SLC38A1: variants seen among roughly 807,000 people sequenced by gnomAD.
The protein encoded by SLC38A1 is sodium-coupled neutral amino acid symporter 1.
In SLC38A1, 18 loss-of-function variants were observed where a neutral mutation model predicts 60.3. The observed-to-expected ratio is 0.30, with a 90% CI of 0.21 to 0.44. The LOEUF (loss-of-function observed/expected upper bound fraction) is 0.44, where lower values mean the gene tolerates loss of function less well. SLC38A1 is among the 20% of genes least tolerant of loss of function. The pLI is 1.00. For missense variants in SLC38A1, 448 were observed against 587.2 expected, an observed-to-expected ratio of 0.76 and a Z score of 2.45; for synonymous variants, 196 against 212.1, an observed-to-expected ratio of 0.92 and a Z score of 0.66.
In SLC38A1 at chr12:46,268,702, G is replaced by C. The variant is rs2242355; in HGVS notation, c.-385C>G. The C allele has an allele frequency of 0.63, 177,380 of 283,196 alleles. 56,445 individuals are homozygous for C. The highest frequency in any genetic ancestry group is 0.73 in the African/African-American group (32,942 of 44,842). The allele number at this position is 283,196 out of a possible 1,614,324, so 17.5% of individuals were successfully genotyped here. A position where few individuals can be genotyped will look rare whatever the true frequency, so the allele number is the denominator to read the frequency against. On this transcript the variant is annotated 5_prime_UTR_variant, in exon 1 of 17. Coordinates refer to ENST00000398637, the MANE Select transcript of SLC38A1 (RefSeq NM_030674.4). This position sits in a 1 kb window ranked among gnomAD's most constrained non-coding sequence, Gnocchi z 4.4. ...AGCTTGGCGTGGCCTGGCGGATTTC[G>C]GAGGAAGGTGAAGGGCGGAGGCTCC... is the stretch of plus-strand genomic sequence containing the variant.
At chr12:46,210,978 C>T (rs999289135) in intron 5 of SLC38A1, among the ~76,000 whole-genome samples, 1 of 152,250 alleles carries the variant, frequency 6.6e-6, no homozygotes, top group Non-Finnish European at 1.5e-5. Flanking sequence ...TATTAGCCAA[C>T]CCAGTAGTTC....
At chr12:46,210,472 A>G (rs1231437465) in intron 5 of SLC38A1, among the ~76,000 whole-genome samples, 1 of 152,210 alleles carries the variant, frequency 6.6e-6, no homozygotes, top group African/African-American at 2.4e-5. Context: ...TTAAGATATG[A>G]TTGGTAAGGA....
chr12:46,246,249 A>G (rs1249956494), intron 1 of SLC38A1, among the ~76,000 whole-genome samples: 2 of 152,228 alleles, frequency 1.3e-5, no homozygotes, highest in African/African-American at 4.8e-5. Context: ...TTCCCTCGTC[A>G]GGCCAAGGGA....
intron 2 of SLC38A1, among the ~76,000 whole-genome samples, chr12:46,241,009 C>T (rs1941427162): frequency 6.6e-6 from 1 of 152,062 alleles, no homozygotes; most frequent in East Asian, 1.9e-4. Context: ...CCTGAATGTG[C>T]CCAATCTTGT....
At position 46,237,032 on chromosome 12, in the gene SLC38A1, T is replaced by A. The variant is rs150524372; in HGVS notation, c.122+2647A>T. ...GGAATAACGGCAGATGTCTGAATGC[T>A]CAAATGACTCCACTTTTATTTTCAA... On this transcript the variant is annotated intron_variant, in intron 3 of 16. Transcript: ENST00000398637. Among the ~76,000 whole-genome samples, 513 of 152,328 alleles carry A rather than the reference T, an allele frequency of 3.4e-3. 3 individuals are homozygous for A. Among genetic ancestry groups the A allele is most frequent in the African/African-American group, 0.012 (491 of 41,566 alleles).
At chr12:46,200,862 A>G (rs1259896150) in intron 13 of SLC38A1, among the ~76,000 whole-genome samples, 2 of 152,312 alleles carry the variant, frequency 1.3e-5, no homozygotes, top group East Asian at 3.9e-4. Flanking sequence ...TGCAATTTCT[A>G]TTAAGGACAC....
At chr12:46,203,470 C>A (rs1465005786) in intron 11 of SLC38A1, among the ~76,000 whole-genome samples, 2 of 152,184 alleles carry the variant, frequency 1.3e-5, no homozygotes, top group African/African-American at 4.8e-5. Flanking sequence ...CTCCCTCCAA[C>A]AGGTCAGGCG....
At chr12:46,194,909 T>C (rs1461489515) in intron 16 of SLC38A1, among the ~76,000 whole-genome samples, 1 of 152,194 alleles carries the variant, frequency 6.6e-6, no homozygotes, top group Non-Finnish European at 1.5e-5. Context: ...AGTTTGTTAT[T>C]ACCAACCTTC....
rs556417810 is a variant in SLC38A1 at position 46,203,105 on chromosome 12, G to T, written c.823-16C>A. 8.7e-6 allele frequency: 14 copies of T among 1,603,632 alleles called. No homozygotes were observed. The South Asian group carries it at 1.4e-4, about 17-fold the overall frequency. ...CATACACGGTCTATTTGAGAGAAAA[G>T]AATAGACATTAGGAAAAACACTTTT... is the stretch of plus-strand genomic sequence containing the variant. On this transcript the variant is annotated splice_polypyrimidine_tract_variant and intron_variant, in intron 11 of 16. Transcript: ENST00000398637.
chr12:46,221,512 C>A (rs760027957), intron 5 of SLC38A1, among the ~76,000 whole-genome samples: 1 of 152,204 alleles, frequency 6.6e-6, no homozygotes, highest in Non-Finnish European at 1.5e-5. Flanking sequence ...GTGAACTAAA[C>A]CTTTCAGTTG....
At chr12:46,265,154 G>A (rs1942313555) in intron 1 of SLC38A1, among the ~76,000 whole-genome samples, 1 of 152,130 alleles carries the variant, frequency 6.6e-6, no homozygotes, top group Admixed American at 6.5e-5. Context: ...ACTCAGTAAA[G>A]TGGGTACCAC....
At chr12:46,251,868 G>A (rs1592148085) in intron 1 of SLC38A1, among the ~76,000 whole-genome samples, 1 of 152,236 alleles carries the variant, frequency 6.6e-6, no homozygotes, top group East Asian at 1.9e-4. Flanking sequence ...GGAGAAATAG[G>A]AATGCTTTTA....
intron 3 of SLC38A1, among the ~76,000 whole-genome samples, chr12:46,230,099 TATTTAAAAGGA>T (rs1232872353): frequency 6.6e-6 from 1 of 152,212 alleles, no homozygotes; most frequent in African/African-American, 2.4e-5. Flanking sequence ...ATAAACCTGG[TATTTAAAAGGA>T]TACTAGAGGC....
chr12:46,196,320 A>T, intron 16 of SLC38A1: 1 of 1,532,620 alleles, frequency 6.5e-7, no homozygotes. Flanking sequence ...ATGGCTGCAC[A>T]TGGCATACCA....
Position 46,207,161 on chromosome 12 carries a change from G to T in SLC38A1, c.557C>A (p.Thr186Lys). Residue 186 changes from threonine (T) to lysine (K), a missense_variant, in exon 8 of 17, where the codon ACA becomes AAA. By Grantham distance (78) the Thr-to-Lys change is moderately conservative. This residue lies in a region of SLC38A1 where 346 missense variants were observed against 497.5 expected (regional missense o/e 0.70). Transcript: ENST00000398637. ...AAAATGGTCTATAACTTACGAAAAT[G>T]TCTCTTCCTTTCCCATTAGAAACTT... ...AIKFLMGKEETFSAWYVDGRV... is the reference protein window; with the variant it reads ...AIKFLMGKEEKFSAWYVDGRV... 1 of 1,606,574 alleles carries T rather than the reference G, an allele frequency of 6.2e-7. No homozygotes were observed. The highest frequency in any genetic ancestry group is 8.5e-7 in the Non-Finnish European group (1 of 1,175,696).
intron 5 of SLC38A1, among the ~76,000 whole-genome samples, chr12:46,227,748 G>A (rs1940921320): frequency 6.6e-6 from 1 of 152,120 alleles, no homozygotes; most frequent in African/African-American, 2.4e-5. Flanking sequence ...TTTGGAGGTT[G>A]GCCTGGTTCT....
intron 16 of SLC38A1, among the ~76,000 whole-genome samples, chr12:46,190,009 A>G (rs1330023133): frequency 2.0e-5 from 3 of 152,082 alleles, no homozygotes; most frequent in African/African-American, 7.2e-5. Context: ...ACATAGGTAT[A>G]CATGTGCCAT....
intron 1 of SLC38A1, among the ~76,000 whole-genome samples, chr12:46,255,642 T>C (rs1361833279): frequency 1.3e-5 from 2 of 152,224 alleles, no homozygotes; most frequent in Non-Finnish European, 1.5e-5. Flanking sequence ...CTTTCAGTAG[T>C]CTTAATTATA....
At chr12:46,228,183 T>TAC (rs1186626002) in intron 5 of SLC38A1, among the ~76,000 whole-genome samples, 2 of 152,208 alleles carry the variant, frequency 1.3e-5, no homozygotes, top group African/African-American at 4.8e-5. Flanking sequence ...CATGTTAATT[T>TAC]ACACACACAC....
Sources: gnomAD v4.1 joint callset for allele counts (sites outside exome capture counted in the v4.1 genomes callset) on GRCh38, gnomAD v4.1.1 for gene constraint, gnomAD v4.1.1 regional missense constraint, Gnocchi (gnomAD v3.1) non-coding constraint, MANE v1.5 for transcripts, NCBI Gene and HGNC (gene_info 2026-07-23, HGNC 2026-07-21) for gene names.